TRIM50: variants seen among roughly 807,000 people sequenced by gnomAD.
TRIM50 encodes E3 ubiquitin-protein ligase TRIM50.
In TRIM50, 34 loss-of-function variants were observed where a neutral mutation model predicts 44.9. The ratio of observed to expected loss-of-function variants is 0.76; its 90% CI spans 0.58 to 1.01. TRIM50 has a LOEUF of 1.01. Among genes scored for constraint, TRIM50 ranks in the 50% least tolerant of loss-of-function variants. The probability of loss-of-function intolerance (pLI) is 0.00; values close to 1 mark genes in which losing one functional copy is unlikely to be tolerated. For missense variants in TRIM50, 633 were observed against 663.7 expected (o/e 0.95, Z 0.51); for synonymous variants, 307 against 291.1 (o/e 1.05, Z -0.56).
In TRIM50 at chr7:73,319,704, C is replaced by T. The variant is rs539696277; in HGVS notation, c.495+443G>A. ...TCTGTTTCACAGCCACCTCCAGGGC[C>T]GGGGCACTATGGCTCCCAGCCCCAT... On this transcript the variant is annotated intron_variant, in intron 3 of 6. Coordinates refer to ENST00000333149, the MANE Select transcript of TRIM50 (RefSeq NM_178125.3). 9.2e-5 allele frequency among the ~76,000 whole-genome samples: 14 copies of T among 152,340 alleles called. No homozygotes were observed. The South Asian group carries it at 1.2e-3, about 14-fold the overall frequency.
At position 73,318,967 on chromosome 7, in the gene TRIM50, A is replaced by G; in HGVS notation, c.581T>C (p.Leu194Pro). ...ACGGGTGTGACCCCCTATCCCCTCC[A>G]GGCAGCGGGCCTTCTCCTCATCCAC... Reference protein sequence around the residue: ...HLVDEEKARCLEGIGGHTRGL... With the variant: ...HLVDEEKARCPEGIGGHTRGL... Residue 194 changes from leucine (L) to proline (P), a missense_variant, in exon 4 of 7, where the codon CTG (leucine) becomes CCG (proline). Transcript: ENST00000333149. 6.2e-7 allele frequency: 1 copy of G among 1,614,006 alleles called. No homozygotes were observed. The highest frequency in any genetic ancestry group is 1.1e-5 in the South Asian group (1 of 91,082).
At chr7:73,316,886 T>G in intron 5 of TRIM50, 197 bp from the exon 6 acceptor site, 1 of 723,498 alleles carries the variant, frequency 1.4e-6, no homozygotes. Flanking sequence ...AAACGCTCTA[T>G]AGTGGTGCTT....
chr7:73,316,637 A>G lies in TRIM50; in HGVS notation c.802T>C (p.Phe268Leu). The G allele has an allele frequency of 6.2e-7, 1 of 1,614,230 alleles. No homozygotes were observed. The highest frequency in any genetic ancestry group is 8.5e-7 in the Non-Finnish European group (1 of 1,180,028). Residue 268 changes from phenylalanine (F) to leucine (L), a missense_variant, in exon 6 of 7, where the codon TTC becomes CTC. Physicochemically the swap from Phe to Leu is conservative, Grantham distance 22 (BLOSUM62 0). Transcript: ENST00000333149. ...PLEGAFSPIS[F>L]KPGLHQADIK... ...TCAGCCTGGTGGAGGCCTGGCTTGAAGGAGATGGGGCTGAATGCGCCTTCT... is the reference window on the plus strand; with the variant it reads ...TCAGCCTGGTGGAGGCCTGGCTTGAGGGAGATGGGGCTGAATGCGCCTTCT...
chr7:73,326,258 T>C (rs1804622835), intron 1 of TRIM50, among the ~76,000 whole-genome samples: 1 of 152,000 alleles, frequency 6.6e-6, no homozygotes, highest in African/African-American at 2.4e-5. Flanking sequence ...CTATTTTTTT[T>C]CATTTTATTG....
chr7:73,322,840 C>G (rs1333960787), intron 2 of TRIM50, among the ~76,000 whole-genome samples: 1 of 152,192 alleles, frequency 6.6e-6, no homozygotes, highest in Non-Finnish European at 1.5e-5. Context: ...AAGGACCCTC[C>G]ACACCTCTCG....
At chr7:73,317,096 C>A (rs1198294836) in intron 5 of TRIM50, among the ~76,000 whole-genome samples, 39 of 152,098 alleles carry the variant, frequency 2.6e-4, no homozygotes, top group Non-Finnish European at 2.4e-4. Flanking sequence ...CTCTGTCACC[C>A]AGGCTGGAGT....
At chr7:73,318,045 G>C (rs1327327978) in intron 5 of TRIM50, among the ~76,000 whole-genome samples, 1 of 152,188 alleles carries the variant, frequency 6.6e-6, no homozygotes, top group Admixed American at 6.5e-5. Context: ...GGCTTGCCTG[G>C]CAAACTCAGG....
intron 3 of TRIM50, 150 bp downstream of exon 3, chr7:73,319,997 T>C (rs185467410): frequency 1.4e-5 from 19 of 1,311,650 alleles, no homozygotes; most frequent in African/African-American, 5.8e-5. Context: ...CTGAGAGGAT[T>C]TGCGCTTTCC....
At position 73,326,177 on chromosome 7, in the gene TRIM50, T is replaced by C. The variant is rs76450125; in HGVS notation, c.-18-1372A>G. On this transcript the variant is annotated intron_variant, in intron 1 of 6. Transcript: ENST00000333149. ...AGTGCTGGGATTACAGGCGTGAGCC[T>C]TACTGCACCCAGCCTTCCCTCTCTC... Among the ~76,000 whole-genome samples the C allele has an allele frequency of 2.6e-5, 4 of 151,190 alleles. No individual in the cohort carries two copies. The East Asian group carries it at 5.9e-4, about 22-fold the overall frequency.
chr7:73,315,693 T>A (rs1804340948), intron 6 of TRIM50, among the ~76,000 whole-genome samples: 1 of 152,100 alleles, frequency 6.6e-6, no homozygotes, highest in South Asian at 2.1e-4. Context: ...TTTTGGTGGA[T>A]GAAATCGCTC....
At position 73,316,629 on chromosome 7, in the gene TRIM50, T is replaced by C; in HGVS notation, c.810A>G (p.Pro270=). 6 of 1,614,224 alleles carry C rather than the reference T, an allele frequency of 3.7e-6. No homozygotes were observed. The highest frequency in any genetic ancestry group is 5.1e-6 in the Non-Finnish European group (6 of 1,180,020). Residue 270 remains proline, a synonymous_variant, in exon 6 of 7, where the codon CCA becomes CCG. Transcript: ENST00000333149. ...EGAFSPISFK[P]GLHQADIKLT... is the part of the protein sequence containing the mutation. ...GCTTGATGTCAGCCTGGTGGAGGCC[T>C]GGCTTGAAGGAGATGGGGCTGAATG...
At position 73,319,021 on chromosome 7, in the gene TRIM50, C is replaced by T. The variant is rs373843128; in HGVS notation, c.527G>A (p.Arg176His). 3.9e-5 allele frequency: 63 copies of T among 1,613,986 alleles called. No homozygotes were observed. The highest frequency in any genetic ancestry group is 1.3e-4 in the Admixed American group (8 of 60,014). ...GTGGTGCAGCTCCTGGAACTCGCGG[C>T]GGATCACCCAGCTGAAGACATCCGA... is the stretch of plus-strand genomic sequence containing the variant. ...NESDVFSWVI[R>H]REFQELHHLV... Residue 176 changes from arginine (R) to histidine (H), a missense_variant, in exon 4 of 7, where the codon CGC (arginine) becomes CAC (histidine). By Grantham distance (29) the Arg-to-His change is conservative. Coordinates refer to ENST00000333149, the MANE Select transcript of TRIM50 (RefSeq NM_178125.3).
At position 73,324,803 on chromosome 7, in the gene TRIM50, G is replaced by C; in HGVS notation, c.-16C>G. ...GCCAAGCCATCCACACTCACTGCCC[G>C]GGCTGAAACACAGGCATCCGACCTC... On this transcript the variant is annotated splice_region_variant and 5_prime_UTR_variant, in exon 2 of 7. Coordinates refer to ENST00000333149, the MANE Select transcript of TRIM50 (RefSeq NM_178125.3). 1 of 1,613,184 alleles carries C rather than the reference G, an allele frequency of 6.2e-7. No homozygotes were observed. The highest frequency in any genetic ancestry group is 8.5e-7 in the Non-Finnish European group (1 of 1,179,950).
rs577532978 is a variant in TRIM50 at position 73,314,197 on chromosome 7, G to A, written c.875-687C>T. On this transcript the variant is annotated intron_variant, in intron 6 of 6. Transcript: ENST00000333149. ...GGAGGCCAAGAAAGTGGTTTATCCC[G>A]TTTGAGAAAAGGCCTAAGACTTTTG... is the stretch of plus-strand genomic sequence containing the variant. 18 of 364,202 alleles carry A rather than the reference G, an allele frequency of 4.9e-5. No homozygotes were observed. The East Asian group carries it at 6.6e-4, about 13-fold the overall frequency. 22.6% of individuals were successfully genotyped at this position (364,202 alleles called of 1,614,324 possible).
rs547816499 is a variant in TRIM50, at chr7:73,324,567, A to G, written c.221T>C (p.Val74Ala). The G allele has an allele frequency of 1.2e-6, 2 of 1,614,010 alleles. No individual in the cohort carries two copies. Among genetic ancestry groups the G allele is most frequent in the South Asian group, 1.1e-5 (1 of 91,060 alleles). Reference protein sequence around the residue: ...SSLPNVSLARVIEALRLPGDP... With the variant: ...SSLPNVSLARAIEALRLPGDP... ...CCCAGGGAGCCTCAGGGCTTCGATC[A>G]CCCTGGCCAGGGAGACGTTGGGCAG... The change falls in exon 2 of 7, where the codon GTG becomes GCG. Residue 74 changes from valine to alanine, a missense_variant. Physicochemically the swap from Val to Ala is moderately conservative, Grantham distance 64. Coordinates refer to ENST00000333149, the MANE Select transcript of TRIM50 (RefSeq NM_178125.3).
At position 73,313,010 on chromosome 7, in the gene TRIM50, G is replaced by T. The variant is rs1554543222; in HGVS notation, c.1375C>A (p.His459Asn). 5 of 1,556,816 alleles carry T rather than the reference G, an allele frequency of 3.2e-6. No individual in the cohort carries two copies. Among genetic ancestry groups the T allele is most frequent in the Non-Finnish European group, 3.5e-6 (4 of 1,149,906 alleles). Residue 459 changes from histidine to asparagine, a missense_variant, in exon 7 of 7, where the codon CAC becomes AAC. Coordinates refer to ENST00000333149, the MANE Select transcript of TRIM50 (RefSeq NM_178125.3). The surrounding 1 kb of genome is among the most constrained non-coding windows in gnomAD (Gnocchi z 4.9). ...KLYPILDTCW[H>N]ERGSNSLPMV... ...GGCAGCGAGTTGCTGCCCCTCTCGT[G>T]CCAGCAGGTGTCCAGGATGGGGTAG...
In TRIM50 at chr7:73,321,239, CT is replaced by C. The variant is rs1804489247; in HGVS notation, c.400-998del. Among the ~76,000 whole-genome samples, 5 of 152,204 alleles carry C rather than the reference CT, an allele frequency of 3.3e-5. No homozygotes were observed. The South Asian group carries it at 1.0e-3, about 32-fold the overall frequency. ...GCATAAGAGGGTCTCAATGTCACCC[CT>C]CTGCATGACATGGAGAGAGTCACTA... is the stretch of plus-strand genomic sequence containing the variant. On this transcript the variant is annotated intron_variant, in intron 2 of 6. Transcript: ENST00000333149.
chr7:73,319,365 C>T (rs1269827498), intron 3 of TRIM50, among the ~76,000 whole-genome samples: 1 of 152,108 alleles, frequency 6.6e-6, no homozygotes, highest in Non-Finnish European at 1.5e-5. Flanking sequence ...ATGATCATAG[C>T]TCACTGTAGC....
At chr7:73,326,383 G>C (rs1467433219) in intron 1 of TRIM50, among the ~76,000 whole-genome samples, 6 of 149,880 alleles carry the variant, frequency 4.0e-5, no homozygotes, top group African/African-American at 1.5e-4. Context: ...GATTATAGGT[G>C]TGAGCCACCA....
Sources: allele counts gnomAD v4.1 joint callset (sites outside exome capture counted in the v4.1 genomes callset), GRCh38; gene constraint gnomAD v4.1.1; non-coding constraint Gnocchi (gnomAD v3.1); transcripts MANE v1.5; gene names NCBI Gene and HGNC (gene_info 2026-07-23, HGNC 2026-07-21).